PRMT1: variants seen among roughly 807,000 people sequenced by gnomAD.
The protein encoded by PRMT1 is protein arginine N-methyltransferase 1.
In PRMT1, 5 loss-of-function variants were observed where a neutral mutation model predicts 47.4. The observed-to-expected ratio is 0.11, with a 90% CI of 0.06 to 0.22. The LOEUF is 0.22. PRMT1 is among the 10% of genes least tolerant of loss of function. The probability of loss-of-function intolerance (pLI) is 1.00; values close to 1 mark genes in which losing one functional copy is unlikely to be tolerated. For missense variants in PRMT1, 249 were observed against 518.4 expected (o/e 0.48, Z 5.05); for synonymous variants, 227 against 204.6 (o/e 1.11, Z -0.94).
At chr19:49,679,769 A>G in intron 1 of PRMT1, 103 bp from the exon 2 acceptor site, 1 of 829,576 alleles carries the variant, frequency 1.2e-6, no homozygotes, top group South Asian at 1.4e-5. Context: ...AAGAAGGAGA[A>G]TTGCTGGAAA....
intron 1 of PRMT1, chr19:49,679,557 GT>G: frequency 4.6e-6 from 3 of 653,220 alleles, no homozygotes; most frequent in Non-Finnish European, 8.5e-6. Flanking sequence ...ACAGCTGGCG[GT>G]GGTGGGTGCC....
intron 1 of PRMT1, chr19:49,678,309 AGGGTCCTGAGCCCTG>A (rs1010891434): frequency 6.6e-6 from 1 of 152,404 alleles, no homozygotes; most frequent in Non-Finnish European, 1.5e-5. Context: ...AGCCCTGTGC[AGGGTCCTGAGCCCTG>A]GGGTCCTGAG....
Position 49,681,369 on chromosome 19 carries a change from G to A in PRMT1, c.193-541G>A, listed in dbSNP as rs1250851387. Among the ~76,000 whole-genome samples the A allele has an allele frequency of 1.3e-5, 2 of 152,140 alleles. No individual in the cohort carries two copies. Among genetic ancestry groups the A allele is most frequent in the African/African-American group, 4.8e-5 (2 of 41,432 alleles). ...CAGCCTGAGGACTTTTAAAAGCCAG[G>A]GTTCACTGGTTCTTAGGTAGCAGTG... On this transcript the variant is annotated intron_variant, in intron 3 of 10. Coordinates refer to ENST00000454376, the MANE Select transcript of PRMT1 (RefSeq NM_001536.6). This position sits in a 1 kb window ranked among gnomAD's most constrained non-coding sequence, Gnocchi z 4.4.
At chr19:49,686,367 C>A in intron 9 of PRMT1, 124 bp downstream of exon 9, 3 of 1,362,172 alleles carry the variant, frequency 2.2e-6, no homozygotes, top group Non-Finnish European at 2.9e-6. Context: ...CCAGTGTGAG[C>A]TCTGCCATGT....
Position 49,684,200 on chromosome 19 carries a change from G to A in PRMT1, c.555+131G>A. ...AGCTGCAAGGTGTTAGAAAGCCACA[G>A]CCCAAGCCAGGTGTGACAGACCCTG... On this transcript the variant is annotated intron_variant, in intron 6 of 10. Transcript: ENST00000454376. This position sits in a 1 kb window ranked among gnomAD's most constrained non-coding sequence, Gnocchi z 6.2. The A allele has an allele frequency of 4.6e-6, 6 of 1,300,230 alleles. No homozygotes were observed. Among genetic ancestry groups the A allele is most frequent in the Non-Finnish European group, 5.4e-6 (5 of 933,596 alleles). 80.5% of individuals were successfully genotyped at this position (1,300,230 alleles called of 1,614,324 possible). A position where few individuals can be genotyped will look rare whatever the true frequency, so the allele number is the denominator to read the frequency against.
Position 49,685,921 on chromosome 19 carries a change from G to A in PRMT1, c.760-172G>A. Reference sequence around the variant, plus strand: ...CTCGAACCCACATGGTTTATTGGGAGCCGGATAGGCAGGATGCAGAGTGAA... The same window carrying A: ...CTCGAACCCACATGGTTTATTGGGAACCGGATAGGCAGGATGCAGAGTGAA... On this transcript the variant is annotated intron_variant, in intron 8 of 10. Coordinates refer to ENST00000454376, the MANE Select transcript of PRMT1 (RefSeq NM_001536.6). This position sits in a 1 kb window ranked among gnomAD's most constrained non-coding sequence, Gnocchi z 4.7. 7.0e-7 allele frequency: 1 copy of A among 1,429,924 alleles called. No individual in the cohort carries two copies. Among genetic ancestry groups the A allele is most frequent in the South Asian group, 1.5e-5 (1 of 66,588 alleles). 88.6% of individuals were successfully genotyped at this position (1,429,924 alleles called of 1,614,324 possible).
At chr19:49,677,934 C>T (rs2082061372) in intron 1 of PRMT1, among the ~76,000 whole-genome samples, 1 of 152,164 alleles carries the variant, frequency 6.6e-6, no homozygotes, top group African/African-American at 2.4e-5. Flanking sequence ...TGGGGTCCCC[C>T]GCCGACCCCG....
Position 49,686,083 on chromosome 19 carries a change from T to C in PRMT1, c.760-10T>C. 2 of 1,611,950 alleles carry C rather than the reference T, an allele frequency of 1.2e-6. No homozygotes were observed. The highest frequency in any genetic ancestry group is 1.7e-6 in the Non-Finnish European group (2 of 1,178,920). On this transcript the variant is annotated splice_polypyrimidine_tract_variant and intron_variant, in intron 8 of 10. Coordinates refer to ENST00000454376, the MANE Select transcript of PRMT1 (RefSeq NM_001536.6). Reference sequence around the variant, plus strand: ...ACGCATCCCGGAGCTCGCCCTCTCATGTCCTGCAGGAGGTGGACATCTATA... The same window carrying C: ...ACGCATCCCGGAGCTCGCCCTCTCACGTCCTGCAGGAGGTGGACATCTATA...
chr19:49,683,718 C>T (rs2082159459), intron 5 of PRMT1: 3 of 545,082 alleles, frequency 5.5e-6, no homozygotes, highest in South Asian at 2.2e-5. Context: ...AGTAACATCA[C>T]CTGATACCCA....
rs538922805 is a variant in PRMT1, at chr19:49,684,277, G to A, written c.555+208G>A. 3.2e-4 allele frequency among the ~76,000 whole-genome samples: 49 copies of A among 151,988 alleles called. No homozygotes were observed. The highest frequency in any genetic ancestry group is 1.2e-3 in the East Asian group (6 of 5,116). On this transcript the variant is annotated intron_variant, in intron 6 of 10. Coordinates refer to ENST00000454376, the MANE Select transcript of PRMT1 (RefSeq NM_001536.6). The surrounding 1 kb of genome is among the most constrained non-coding windows in gnomAD (Gnocchi z 6.2). The stretch of plus-strand genomic sequence containing the variant: ...GTCGTAGGAACAGGAAATCCGTAGC[G>A]GCGCAATAGCCCAGGTCCTTAGGCC...
At position 49,684,908 on chromosome 19, in the gene PRMT1, G is replaced by C. The variant is rs1490296742; in HGVS notation, c.644-14G>C. 7.5e-6 allele frequency: 12 copies of C among 1,604,022 alleles called. No individual in the cohort carries two copies. Among genetic ancestry groups the C allele is most frequent in the East Asian group, 2.2e-5 (1 of 44,660 alleles). On this transcript the variant is annotated splice_polypyrimidine_tract_variant and intron_variant, in intron 7 of 10. Transcript: ENST00000454376. This position sits in a 1 kb window ranked among gnomAD's most constrained non-coding sequence, Gnocchi z 6.2. ...GCTGCTGCGGGCTCACCCCCTCCCT[G>C]CCTGCCTCCCCAGGGTGGGAGAACG...
At position 49,680,280 on chromosome 19, in the gene PRMT1, C is replaced by A; in HGVS notation, c.91-207C>A. Reference sequence around the variant, plus strand: ...TATCGGGGTGCTCCCCTGGATGGTGCTCTGGGGGGGTCCTGGAAGTGGAAA... The same window carrying A: ...TATCGGGGTGCTCCCCTGGATGGTGATCTGGGGGGGTCCTGGAAGTGGAAA... On this transcript the variant is annotated intron_variant, in intron 2 of 10. Coordinates refer to ENST00000454376, the MANE Select transcript of PRMT1 (RefSeq NM_001536.6). This position sits in a 1 kb window ranked among gnomAD's most constrained non-coding sequence, Gnocchi z 4.2. The A allele has an allele frequency of 6.8e-7, 1 of 1,468,398 alleles. No homozygotes were observed. Among genetic ancestry groups the A allele is most frequent in the Non-Finnish European group, 9.5e-7 (1 of 1,052,404 alleles). 91.0% of individuals were successfully genotyped at this position (1,468,398 alleles called of 1,614,324 possible). A position where few individuals can be genotyped will look rare whatever the true frequency, so the allele number is the denominator to read the frequency against.
In PRMT1 at chr19:49,685,713, A is replaced by G; in HGVS notation, c.760-380A>G. ...CACTCGGGCCACCCTCCTGAGAGCC[A>G]GGGGAACTGGCGCAGGGTTTAGGTT... On this transcript the variant is annotated intron_variant, in intron 8 of 10. Transcript: ENST00000454376. This position sits in a 1 kb window ranked among gnomAD's most constrained non-coding sequence, Gnocchi z 4.7. The G allele has an allele frequency of 9.5e-7, 1 of 1,051,132 alleles. No individual in the cohort carries two copies. Among genetic ancestry groups the G allele is most frequent in the Non-Finnish European group, 1.1e-6 (1 of 870,538 alleles). 65.1% of individuals were successfully genotyped at this position (1,051,132 alleles called of 1,614,324 possible). A position where few individuals can be genotyped will look rare whatever the true frequency, so the allele number is the denominator to read the frequency against.
At chr19:49,682,373 A>T in intron 5 of PRMT1, 114 bp downstream of exon 5, 2 of 1,158,708 alleles carry the variant, frequency 1.7e-6, no homozygotes, top group Non-Finnish European at 1.3e-6. Flanking sequence ...AGCAGCTCCC[A>T]ACCCATGGTC....
chr19:49,686,350 G>A (rs967608319), intron 9 of PRMT1, 107 bp downstream of exon 9: 16 of 1,411,602 alleles, frequency 1.1e-5, no homozygotes, highest in African/African-American at 2.9e-5. Context: ...ATGGGGACAC[G>A]CGTGTTCCAG....
intron 1 of PRMT1, among the ~76,000 whole-genome samples, chr19:49,677,801 C>T (rs987497075): frequency 2.0e-5 from 3 of 152,144 alleles, no homozygotes; most frequent in African/African-American, 7.2e-5. Flanking sequence ...TGTGGGGAGT[C>T]TCTTGGGAGG....
At chr19:49,687,908 G>A in intron 10 of PRMT1, 1 of 575,970 alleles carries the variant, frequency 1.7e-6, no homozygotes, top group Non-Finnish European at 3.1e-6. Flanking sequence ...TCATCCTGAT[G>A]GAGAAATCCA....
chr19:49,680,471 A>T lies in PRMT1; in HGVS notation c.91-16A>T, dbSNP rs1335164392. ...GCCCCCAGATCTGACCCATGATCCCATCGGCCCCCTCCCAGGTGTCCTGTG... is the reference window on the plus strand; with the variant it reads ...GCCCCCAGATCTGACCCATGATCCCTTCGGCCCCCTCCCAGGTGTCCTGTG... On this transcript the variant is annotated splice_polypyrimidine_tract_variant and intron_variant, in intron 2 of 10. Transcript: ENST00000454376. This position sits in a 1 kb window ranked among gnomAD's most constrained non-coding sequence, Gnocchi z 4.2. 6.2e-7 allele frequency: 1 copy of T among 1,602,026 alleles called. No individual in the cohort carries two copies. Among genetic ancestry groups the T allele is most frequent in the South Asian group, 1.1e-5 (1 of 90,850 alleles).
Position 49,680,385 on chromosome 19 carries a change from G to C in PRMT1, c.91-102G>C, listed in dbSNP as rs1489307042. On this transcript the variant is annotated intron_variant, in intron 2 of 10. Coordinates refer to ENST00000454376, the MANE Select transcript of PRMT1 (RefSeq NM_001536.6). This position sits in a 1 kb window ranked among gnomAD's most constrained non-coding sequence, Gnocchi z 4.2. ...GTAGGGTTGTCATGGTATGATTTTGGGGGTTCTATACTACTCTTCAGGGAA... is the reference window on the plus strand; with the variant it reads ...GTAGGGTTGTCATGGTATGATTTTGCGGGTTCTATACTACTCTTCAGGGAA... The C allele has an allele frequency of 4.3e-6, 5 of 1,161,134 alleles. No individual in the cohort carries two copies. In the Admixed American group the frequency reaches 9.3e-5, roughly 21 times the overall value. The allele number at this position is 1,161,134 out of a possible 1,614,324, so 71.9% of individuals were successfully genotyped here. A position where few individuals can be genotyped will look rare whatever the true frequency, so the allele number is the denominator to read the frequency against.
Sources: gnomAD v4.1 joint callset for allele counts (sites outside exome capture counted in the v4.1 genomes callset) on GRCh38, gnomAD v4.1.1 for gene constraint, Gnocchi (gnomAD v3.1) non-coding constraint, MANE v1.5 for transcripts, NCBI Gene and HGNC (gene_info 2026-07-23, HGNC 2026-07-21) for gene names.